ZFAND6: variants seen among roughly 807,000 people sequenced by gnomAD.
The protein encoded by ZFAND6 is zinc finger AN1-type containing 6, also known as AN1-type zinc finger protein 6.
In ZFAND6, 12 loss-of-function variants were observed where a neutral mutation model predicts 24.5. That is an observed-to-expected ratio of 0.49 (90% CI 0.31 to 0.79). The LOEUF (loss-of-function observed/expected upper bound fraction) is 0.79. Among genes scored for constraint, ZFAND6 ranks in the 30% least tolerant of loss-of-function variants. The pLI is 0.04. For missense variants in ZFAND6, 207 were observed against 245.9 expected (o/e 0.84, Z 1.06); for synonymous variants, 92 against 81.5 (o/e 1.13, Z -0.69).
chr15:80,061,967 T>A (rs1171200556), intron 1 of ZFAND6, among the ~76,000 whole-genome samples: 1 of 152,198 alleles, frequency 6.6e-6, no homozygotes, highest in Non-Finnish European at 1.5e-5. Context: ...GTTGAACATT[T>A]GCATGAAAAC....
chr15:80,118,281 C>T (rs2039985677), intron 2 of ZFAND6, among the ~76,000 whole-genome samples: 1 of 151,630 alleles, frequency 6.6e-6, no homozygotes, highest in Admixed American at 6.6e-5. Context: ...CGCCGCCACA[C>T]CCGGCTAGTT....
chr15:80,081,930 AAG>A (rs2037693759), intron 1 of ZFAND6, among the ~76,000 whole-genome samples: 1 of 152,192 alleles, frequency 6.6e-6, no homozygotes, highest in Non-Finnish European at 1.5e-5. Context: ...AAATTAGAAA[AAG>A]TAAAATCTGA....
intron 1 of ZFAND6, among the ~76,000 whole-genome samples, chr15:80,080,281 G>A (rs1596212946): frequency 6.6e-6 from 1 of 152,124 alleles, no homozygotes; most frequent in Non-Finnish European, 1.5e-5. Flanking sequence ...ACAGGCATGA[G>A]CCACTGCACC....
intron 1 of ZFAND6, among the ~76,000 whole-genome samples, chr15:80,077,574 A>G (rs1445995725): frequency 6.6e-6 from 1 of 152,100 alleles, no homozygotes; most frequent in Non-Finnish European, 1.5e-5. Flanking sequence ...ACAGGTAAAT[A>G]TTACCAATGT....
At chr15:80,085,217 T>C (rs2141872769) in intron 1 of ZFAND6, among the ~76,000 whole-genome samples, 1 of 152,338 alleles carries the variant, frequency 6.6e-6, no homozygotes, top group South Asian at 2.1e-4. Context: ...CTTTTCTCCA[T>C]CGTTCTTTCA....
intron 1 of ZFAND6, among the ~76,000 whole-genome samples, 172 bp downstream of exon 1, chr15:80,059,981 G>A (rs2036232525): frequency 6.6e-6 from 1 of 151,142 alleles, no homozygotes; most frequent in Non-Finnish European, 1.5e-5. Flanking sequence ...GCCCGCGGGG[G>A]CCGCGGGCGA....
chr15:80,111,920 A>G (rs1052115800), intron 2 of ZFAND6, among the ~76,000 whole-genome samples: 2 of 152,178 alleles, frequency 1.3e-5, no homozygotes, highest in Admixed American at 6.5e-5. Context: ...ACATGAGTCC[A>G]GTATTGTCAG....
chr15:80,089,534 G>GT (rs2038218128), intron 1 of ZFAND6, among the ~76,000 whole-genome samples: 1 of 152,048 alleles, frequency 6.6e-6, no homozygotes, highest in African/African-American at 2.4e-5. Context: ...GGGATTACAG[G>GT]TGTGAGCCAC....
At chr15:80,118,187 TC>T (rs1185147562) in intron 2 of ZFAND6, among the ~76,000 whole-genome samples, 1 of 152,120 alleles carries the variant, frequency 6.6e-6, no homozygotes, top group Admixed American at 6.6e-5. Flanking sequence ...AGTGGTGCGA[TC>T]CCGGCTCACT....
At chr15:80,096,384 A>G (rs1044706705) in intron 1 of ZFAND6, among the ~76,000 whole-genome samples, 1 of 152,248 alleles carries the variant, frequency 6.6e-6, no homozygotes, top group Admixed American at 6.5e-5. Flanking sequence ...AATCAGTTCT[A>G]CTGAAGCAAA....
intron 1 of ZFAND6, among the ~76,000 whole-genome samples, chr15:80,086,243 G>A (rs2037999214): frequency 1.3e-5 from 2 of 152,082 alleles, no homozygotes; most frequent in Admixed American, 6.5e-5. Context: ...TCTCCATGTT[G>A]GTCAGGCTGG....
chr15:80,063,368 C>A (rs979687468), intron 1 of ZFAND6, among the ~76,000 whole-genome samples: 4 of 152,042 alleles, frequency 2.6e-5, no homozygotes, highest in Non-Finnish European at 5.9e-5. Flanking sequence ...TAAAGTACAT[C>A]TCAATTCAGA....
intron 1 of ZFAND6, among the ~76,000 whole-genome samples, chr15:80,075,808 TGAACTC>T (rs1299988148): frequency 1.3e-5 from 2 of 152,116 alleles, no homozygotes; most frequent in Admixed American, 1.3e-4. Context: ...TCGGAGAAAA[TGAACTC>T]GAAACAGTTT....
At chr15:80,077,001 G>A (rs1265228678) in intron 1 of ZFAND6, among the ~76,000 whole-genome samples, 1 of 152,176 alleles carries the variant, frequency 6.6e-6, no homozygotes, top group Non-Finnish European at 1.5e-5. Flanking sequence ...ATAAAAGAAT[G>A]AGGCACAGGC....
intron 1 of ZFAND6, among the ~76,000 whole-genome samples, chr15:80,094,548 C>G (rs1464995890): frequency 6.6e-6 from 1 of 151,786 alleles, no homozygotes; most frequent in African/African-American, 2.4e-5. Flanking sequence ...TAAGATTAAC[C>G]CATTGTTAAC....
At chr15:80,120,246 T>G in intron 2 of ZFAND6, 82 bp from the exon 3 acceptor site, 1 of 1,206,654 alleles carries the variant, frequency 8.3e-7, no homozygotes, top group Non-Finnish European at 1.1e-6. Context: ...GCTTTTTTCT[T>G]TATCATATAA....
intron 6 of ZFAND6, among the ~76,000 whole-genome samples, chr15:80,133,482 G>A (rs967219108): frequency 1.3e-5 from 2 of 152,034 alleles, no homozygotes; most frequent in East Asian, 1.9e-4. Flanking sequence ...GAGTGGAACC[G>A]CCACACCTGG....
At chr15:80,059,071 C>T (rs1242783925), upstream of ZFAND6, among the ~76,000 whole-genome samples, 1 of 152,276 alleles carries the variant, frequency 6.6e-6, no homozygotes. Flanking sequence ...CGTGTGCATG[C>T]ACGCTTCTCG....
chr15:80,135,129 G>A (rs1359824375), intron 6 of ZFAND6, among the ~76,000 whole-genome samples: 2 of 152,098 alleles, frequency 1.3e-5, no homozygotes, highest in African/African-American at 2.4e-5. Flanking sequence ...TAAAGACAAG[G>A]ATGAAGACTT....
Sources: allele counts gnomAD v4.1 joint callset (sites outside exome capture counted in the v4.1 genomes callset), GRCh38; gene constraint gnomAD v4.1.1; transcripts MANE v1.5; gene names NCBI Gene and HGNC (gene_info 2026-07-23, HGNC 2026-07-21).